The following DNASE1 variants were observed in gnomAD, a reference collection of about 807,000 sequenced individuals.
DNASE1 encodes deoxyribonuclease 1, also known as deoxyribonuclease-1.
DNASE1 carries 40 observed loss-of-function variants against 33.9 expected under a neutral mutation model. That is an observed-to-expected ratio of 1.18 (90% CI 0.92 to 1.54). DNASE1 has a LOEUF of 1.54. Among genes scored for constraint, DNASE1 ranks in the 40% most tolerant of loss-of-function variants. The probability of loss-of-function intolerance (pLI) is 0.00; values close to 1 mark genes in which losing one functional copy is unlikely to be tolerated. For missense variants in DNASE1, 518 were observed against 372.6 expected, an observed-to-expected ratio of 1.39 and a Z score of -3.21; for synonymous variants, 216 against 160.0, an observed-to-expected ratio of 1.35 and a Z score of -2.64.
At chr16:3,637,258 C>T (rs968505823) in intron 1 of DNASE1, among the ~76,000 whole-genome samples, 2 of 152,168 alleles carry the variant, frequency 1.3e-5, no homozygotes, top group African/African-American at 4.8e-5. Context: ...AAATTTCCTC[C>T]TGGGTCTGTT....
chr16:3,656,607 G>T (rs752405803), intron 4 of DNASE1, 31 bp from the exon 5 acceptor site: 90 of 1,577,494 alleles, frequency 5.7e-5, no homozygotes, highest in Non-Finnish European at 7.3e-5. Context: ...TCCAGCCTGG[G>T]GTCACCTCCT....
At chr16:3,647,634 T>A (rs2042213725) in intron 1 of DNASE1, among the ~76,000 whole-genome samples, 1 of 152,164 alleles carries the variant, frequency 6.6e-6, no homozygotes, top group African/African-American at 2.4e-5. Flanking sequence ...TTACCCAGCC[T>A]CAGGGCTGGC....
exon 10 of DNASE1, chr16:3,664,251 C>T (rs1044079322): frequency 5.8e-6 from 9 of 1,540,002 alleles, no homozygotes; most frequent in South Asian, 1.2e-5. Flanking sequence ...CCCCGGAGCC[C>T]GCCCCACCCA....
chr16:3,628,269 A>AT (rs2041584021), intron 1 of DNASE1, among the ~76,000 whole-genome samples: 2 of 152,182 alleles, frequency 1.3e-5, no homozygotes, highest in South Asian at 4.2e-4. Context: ...AATGCAAATG[A>AT]TTTTTGTGTG....
chr16:3,627,779 C>T (rs2041561769), intron 1 of DNASE1, among the ~76,000 whole-genome samples: 1 of 152,018 alleles, frequency 6.6e-6, no homozygotes, highest in African/African-American at 2.4e-5. Context: ...GTCTGTCTTC[C>T]TGCCAGTACC....
chr16:3,654,748 C>G lies in DNASE1; in HGVS notation c.-298C>G, dbSNP rs566155062. The G allele has an allele frequency of 2.5e-6, 1 of 399,382 alleles. No homozygotes were observed. The highest frequency in any genetic ancestry group is 1.3e-4 in the South Asian group (1 of 7,908). The allele number at this position is 399,382 out of a possible 1,614,324, so 24.7% of individuals were successfully genotyped here. ...ACAGAAAGAAACACGTGCTAGCAAC[C>G]CACCTATGCGGAAAGCCACACAGAG... On this transcript the variant is annotated 5_prime_UTR_variant, in exon 1 of 9. Transcript: ENST00000246949.
chr16:3,648,290 C>T (rs552311288), intron 1 of DNASE1, among the ~76,000 whole-genome samples: 1 of 151,556 alleles, frequency 6.6e-6, no homozygotes, highest in African/African-American at 2.4e-5. Flanking sequence ...TGGCCGGATG[C>T]GGTGGCTCAC....
At chr16:3,654,482 G>A (rs1834479461), upstream of DNASE1, 2 of 398,580 alleles carry the variant, frequency 5.0e-6, no homozygotes, top group Admixed American at 8.8e-5. Context: ...TTTGGATGTG[G>A]CTTTGGCCTC....
At chr16:3,655,983 G>C (rs201970340) in intron 3 of DNASE1, 46 bp downstream of exon 3, 2 of 1,612,810 alleles carry the variant, frequency 1.2e-6, no homozygotes, top group Non-Finnish European at 1.7e-6. Flanking sequence ...TCTCGTCCAC[G>C]GCACAGCCTC....
At chr16:3,653,409 G>C (rs556759674), upstream of DNASE1, 3 of 152,348 alleles carry the variant, frequency 2.0e-5, no homozygotes, top group Admixed American at 1.3e-4. Flanking sequence ...GAAAGTCAAA[G>C]ATTCCAAGAA....
At chr16:3,663,727 G>A (rs960982777) in exon 10 of DNASE1, 4 of 793,748 alleles carry the variant, frequency 5.0e-6, no homozygotes, top group African/African-American at 3.5e-5. Flanking sequence ...ACGACACCTG[G>A]GTCTAAGGAA....
intron 1 of DNASE1, among the ~76,000 whole-genome samples, chr16:3,621,763 TTTCC>T (rs1456840794): frequency 6.6e-6 from 1 of 152,228 alleles, no homozygotes; most frequent in African/African-American, 2.4e-5. Flanking sequence ...ATGGCTTTCA[TTTCC>T]TTCTACAATG....
At chr16:3,656,536 C>T in intron 4 of DNASE1, 102 bp from the exon 5 acceptor site, 1 of 885,492 alleles carries the variant, frequency 1.1e-6, no homozygotes, top group South Asian at 1.4e-5. Context: ...GCCTGGCTCC[C>T]CCGCCCTCCT....
At chr16:3,615,924 C>T (rs1213751159) in intron 1 of DNASE1, among the ~76,000 whole-genome samples, 1 of 152,202 alleles carries the variant, frequency 6.6e-6, no homozygotes, top group African/African-American at 2.4e-5. Flanking sequence ...AAGCCATAAC[C>T]TGTCCACCTC....
At chr16:3,617,218 C>G (rs535525917) in intron 1 of DNASE1, among the ~76,000 whole-genome samples, 3 of 147,582 alleles carry the variant, frequency 2.0e-5, no homozygotes, top group Non-Finnish European at 4.5e-5. Context: ...CCCAGCTACT[C>G]GGGAGGCTGA....
intron 1 of DNASE1, among the ~76,000 whole-genome samples, chr16:3,620,340 G>C (rs1006773034): frequency 2.0e-5 from 3 of 151,814 alleles, no homozygotes; most frequent in Admixed American, 2.0e-4. Flanking sequence ...AGATCAAAAG[G>C]CTTCGTATAA....
At chr16:3,612,243 G>C (rs1298879058) in intron 1 of DNASE1, among the ~76,000 whole-genome samples, 2 of 152,140 alleles carry the variant, frequency 1.3e-5, no homozygotes, top group Admixed American at 1.3e-4. Context: ...GGGAGCCATT[G>C]AAGGTTTTTT....
chr16:3,616,075 G>C (rs1177665638), intron 1 of DNASE1, among the ~76,000 whole-genome samples: 1 of 152,176 alleles, frequency 6.6e-6, no homozygotes, highest in Non-Finnish European at 1.5e-5. Flanking sequence ...GGTGAAATCA[G>C]GACAGGAAAT....
At chr16:3,663,011 C>G (rs1460744847), downstream of DNASE1, 2 of 1,508,860 alleles carry the variant, frequency 1.3e-6, no homozygotes, top group Non-Finnish European at 8.9e-7. Flanking sequence ...TGCATCCCAA[C>G]TCCCCGGCTT....
Sources: gnomAD v4.1 joint callset for allele counts (sites outside exome capture counted in the v4.1 genomes callset) on GRCh38, gnomAD v4.1.1 for gene constraint, MANE v1.5 for transcripts, NCBI Gene and HGNC (gene_info 2026-07-23, HGNC 2026-07-21) for gene names.